Variants in MOV10L1 observed in about 807,000 individuals in gnomAD.
The protein encoded by MOV10L1 is Mov10 like RNA helicase 1.
Under a neutral mutation model 143.8 loss-of-function variants are expected in MOV10L1, and 110 were observed. The ratio of observed to expected loss-of-function variants is 0.76; its 90% CI spans 0.66 to 0.90. The LOEUF (loss-of-function observed/expected upper bound fraction) is 0.90, where lower values mean the gene tolerates loss of function less well. Ranked by LOEUF, MOV10L1 falls within the 40% of genes least tolerant of loss-of-function variation. The pLI, the probability that MOV10L1 is intolerant of heterozygous loss-of-function variation, is 0.00. For synonymous variants in MOV10L1, 593 were observed against 581.1 expected (o/e 1.02, Z -0.29); for missense variants, 1,406 against 1,526.8 (o/e 0.92, Z 1.32).
chr22:50,090,249 C>T (rs62241081), intron 1 of MOV10L1, 64 bp downstream of exon 1: 1 of 1,409,336 alleles, frequency 7.1e-7, no homozygotes. Context: ...ACGAGGGAGC[C>T]GCGCCCATAG....
At chr22:50,114,182 G>T (rs2062104382) in intron 6 of MOV10L1, among the ~76,000 whole-genome samples, 199 bp from the exon 7 acceptor site, 1 of 152,166 alleles carries the variant, frequency 6.6e-6, no homozygotes, top group Admixed American at 6.5e-5. Context: ...CTCCCAAAGT[G>T]CTGGGACTAC....
chr22:50,134,722 C>G (rs996857207), intron 15 of MOV10L1, 92 bp downstream of exon 15: 1 of 1,088,662 alleles, frequency 9.2e-7, no homozygotes, highest in African/African-American at 1.5e-5. Flanking sequence ...GCGTGACTGT[C>G]TCTACACAGG....
intron 1 of MOV10L1, chr22:50,090,642 C>T (rs1318192840): frequency 4.3e-6 from 5 of 1,175,372 alleles, no homozygotes; most frequent in African/African-American, 3.1e-5. Context: ...GGGATGCGCC[C>T]GGATGCCCTC....
At chr22:50,146,892 A>G in intron 19 of MOV10L1, 1 of 622,678 alleles carries the variant, frequency 1.6e-6, no homozygotes, top group South Asian at 1.9e-5. Flanking sequence ...TTTTTGGTTC[A>G]AGTCTTCAAA....
Position 50,090,033 on chromosome 22 carries a change from G to T in MOV10L1, c.-56G>T, listed in dbSNP as rs2062382613. The T allele has an allele frequency of 5.1e-6, 6 of 1,167,362 alleles. No individual in the cohort carries two copies. The highest frequency in any genetic ancestry group is 8.2e-5 in the East Asian group (2 of 24,504). 72.3% of individuals were successfully genotyped at this position (1,167,362 alleles called of 1,614,324 possible). A position where few individuals can be genotyped will look rare whatever the true frequency, so the allele number is the denominator to read the frequency against. ...TGGTGGCGGGCGGCGGGAGCGGCGC[G>T]GGCGCGTGCGGGCGGCGGCAGCGGC... On this transcript the variant is annotated 5_prime_UTR_variant, in exon 1 of 27. Transcript: ENST00000262794.
intron 19 of MOV10L1, among the ~76,000 whole-genome samples, chr22:50,149,147 C>T (rs185172623): frequency 5.3e-5 from 8 of 152,360 alleles, no homozygotes; most frequent in African/African-American, 1.9e-4. Context: ...GTTCTCAGCG[C>T]TTTACAGCGG....
intron 8 of MOV10L1, among the ~76,000 whole-genome samples, chr22:50,115,625 G>C (rs71009): frequency 0.32 from 49,352 of 152,042 alleles, 8,314 homozygotes; most frequent in Non-Finnish European, 0.36. Flanking sequence ...TAGAAGCTGG[G>C]TACCAAGTGT....
chr22:50,107,168 G>A (rs5771071), intron 3 of MOV10L1, among the ~76,000 whole-genome samples: 5 of 150,702 alleles, frequency 3.3e-5, no homozygotes, highest in Admixed American at 6.6e-5. Context: ...TCCACCTCCC[G>A]GGTTCACGCC....
chr22:50,109,126 A>G (rs775452615), intron 5 of MOV10L1, among the ~76,000 whole-genome samples: 84 of 152,128 alleles, frequency 5.5e-4, no homozygotes, highest in Non-Finnish European at 9.4e-4. Flanking sequence ...CCTGGGCGAC[A>G]AGTAAAACTC....
chr22:50,092,124 G>C lies in MOV10L1; in HGVS notation c.221G>C (p.Gly74Ala). ...AVTSRVLLNV[G>A]QEVIAVVEEN... Reference sequence around the variant, plus strand: ...ACTAGCAGAGTGCTTCTGAATGTTGGACAGGAAGTGATTGCAGTTGTGGAA... The same window carrying C: ...ACTAGCAGAGTGCTTCTGAATGTTGCACAGGAAGTGATTGCAGTTGTGGAA... The change falls in exon 2 of 27, where the codon GGA becomes GCA. Residue 74 changes from glycine to alanine, a missense_variant. Around this residue, in one of 3 missense-constraint regions of MOV10L1, gnomAD observed 166 missense variants for 153.9 expected, o/e 1.08. Coordinates refer to ENST00000262794, the MANE Select transcript of MOV10L1 (RefSeq NM_018995.3). 1 of 1,614,182 alleles carries C rather than the reference G, an allele frequency of 6.2e-7. No homozygotes were observed. Among genetic ancestry groups the C allele is most frequent in the Non-Finnish European group, 8.5e-7 (1 of 1,180,034 alleles).
intron 3 of MOV10L1, 30 bp downstream of exon 3, chr22:50,099,632 A>G: frequency 6.3e-7 from 1 of 1,581,588 alleles, no homozygotes; most frequent in Non-Finnish European, 8.6e-7. Context: ...TTCCACATTG[A>G]AAATTAGGTT....
Position 50,135,930 on chromosome 22 carries a change from C to T in MOV10L1, c.2070+1300C>T, listed in dbSNP as rs553399939. On this transcript the variant is annotated intron_variant, in intron 15 of 26. Transcript: ENST00000262794. ...ATCATCTGTGTCATGGTGGAGCTTA[C>T]AACTTATTTTGTGCTATTCAAATTT... Among the ~76,000 whole-genome samples the T allele has an allele frequency of 2.3e-3, 355 of 152,138 alleles. 1 individual carries two copies. Among genetic ancestry groups the T allele is most frequent in the African/African-American group, 8.0e-3 (333 of 41,502 alleles).
intron 10 of MOV10L1, among the ~76,000 whole-genome samples, chr22:50,122,288 G>A (rs1328737081): frequency 6.6e-6 from 1 of 152,106 alleles, no homozygotes; most frequent in Admixed American, 6.5e-5. Flanking sequence ...AAATTAATTT[G>A]TAAGTATTTT....
chr22:50,131,119 A>G (rs2062665249), intron 13 of MOV10L1, among the ~76,000 whole-genome samples: 1 of 148,090 alleles, frequency 6.8e-6, no homozygotes, highest in Non-Finnish European at 1.5e-5. Flanking sequence ...TGTGTTAGCC[A>G]GAATGGTCTC....
At chr22:50,096,617 T>C (rs933189232) in intron 2 of MOV10L1, among the ~76,000 whole-genome samples, 1 of 152,270 alleles carries the variant, frequency 6.6e-6, no homozygotes, top group Admixed American at 6.5e-5. Context: ...CCACTTTTTC[T>C]GTATCCTTGC....
intron 20 of MOV10L1, among the ~76,000 whole-genome samples, chr22:50,150,283 G>A (rs574848224): frequency 3.3e-5 from 5 of 152,154 alleles, no homozygotes; most frequent in East Asian, 1.9e-4. Context: ...ACTGTGGGGC[G>A]GAGCATGAAG....
At position 50,098,574 on chromosome 22, in the gene MOV10L1, T is replaced by C. The variant is rs192878967; in HGVS notation, c.283-869T>C. Among the ~76,000 whole-genome samples, 182 of 152,362 alleles carry C rather than the reference T, an allele frequency of 1.2e-3. 1 individual carries two copies. Among genetic ancestry groups the C allele is most frequent in the African/African-American group, 4.3e-3 (179 of 41,584 alleles). On this transcript the variant is annotated intron_variant, in intron 2 of 26. Transcript: ENST00000262794. ...TGCAAATGTATGGAAATCTGATTTT[T>C]GTATGTTGACTTTGTGTCCTGTGCT... is the stretch of plus-strand genomic sequence containing the variant.
chr22:50,108,198 A>G lies in MOV10L1; in HGVS notation c.505A>G (p.Ser169Gly), dbSNP rs1173268625. ...GTACCGGATCCGGCCTGGCACGTGGAGCAGCGAAGCCACCTCAGTGAAGCC... is the reference window on the plus strand; with the variant it reads ...GTACCGGATCCGGCCTGGCACGTGGGGCAGCGAAGCCACCTCAGTGAAGCC... ...AEYRIRPGTW[S>G]SEATSVKPLR... Residue 169 changes from serine to glycine, a missense_variant, in exon 4 of 27, where the codon AGC (serine) becomes GGC (glycine). Physicochemically the swap from Ser to Gly is moderately conservative, Grantham distance 56. Transcript: ENST00000262794. 1 of 1,614,070 alleles carries G rather than the reference A, an allele frequency of 6.2e-7. No homozygotes were observed. The highest frequency in any genetic ancestry group is 8.5e-7 in the Non-Finnish European group (1 of 1,180,024).
At chr22:50,106,278 G>A (rs540603056) in intron 3 of MOV10L1, among the ~76,000 whole-genome samples, 94 of 149,908 alleles carry the variant, frequency 6.3e-4, no homozygotes, top group Non-Finnish European at 7.4e-5. Flanking sequence ...CCTTAGCCTC[G>A]TGAGTAGCTG....
Sources: gnomAD v4.1 joint callset for allele counts (sites outside exome capture counted in the v4.1 genomes callset) on GRCh38, gnomAD v4.1.1 for gene constraint, gnomAD v4.1.1 regional missense constraint, MANE v1.5 for transcripts, NCBI Gene and HGNC (gene_info 2026-07-23, HGNC 2026-07-21) for gene names.